The following PPFIA2 variants were observed in gnomAD, a reference collection of about 807,000 sequenced individuals.
The protein encoded by PPFIA2 is liprin-alpha-2.
A neutral mutation model predicts 175.5 loss-of-function variants in PPFIA2; 46 were observed. That is an observed-to-expected ratio of 0.26 (90% CI 0.21 to 0.34). PPFIA2 has a LOEUF of 0.34. Among genes scored for constraint, PPFIA2 ranks in the 10% least tolerant of loss-of-function variants. PPFIA2 has a pLI of 1.00. For missense variants in PPFIA2, 1,179 were observed against 1,506.1 expected, an observed-to-expected ratio of 0.78 and a Z score of 3.60; for synonymous variants, 568 against 511.4, an observed-to-expected ratio of 1.11 and a Z score of -1.49.
intron 4 of PPFIA2, among the ~76,000 whole-genome samples, chr12:81,548,766 T>C (rs1016587204): frequency 2.6e-5 from 4 of 152,146 alleles, no homozygotes; most frequent in African/African-American, 9.6e-5. Context: ...CCAAATTCAA[T>C]GTAGTGCCAG....
chr12:81,675,082 T>A (rs913461224), intron 4 of PPFIA2, among the ~76,000 whole-genome samples: 2 of 151,898 alleles, frequency 1.3e-5, no homozygotes, highest in Non-Finnish European at 2.9e-5. Context: ...AAAATAACCA[T>A]CATGGTATAG....
intron 4 of PPFIA2, among the ~76,000 whole-genome samples, chr12:81,607,620 T>C (rs1365673190): frequency 2.0e-5 from 3 of 152,130 alleles, no homozygotes; most frequent in Non-Finnish European, 4.4e-5. Flanking sequence ...TGTATAGAAT[T>C]GCTACTGATT....
intron 3 of PPFIA2, among the ~76,000 whole-genome samples, chr12:81,680,268 C>A (rs1437860346): frequency 1.3e-5 from 2 of 151,954 alleles, no homozygotes; most frequent in African/African-American, 4.8e-5. Context: ...ACTCAGTGAA[C>A]AGTTGCTATG....
At chr12:81,697,638 G>A (rs1442261604) in intron 3 of PPFIA2, among the ~76,000 whole-genome samples, 21 of 152,072 alleles carry the variant, frequency 1.4e-4, no homozygotes, top group Non-Finnish European at 7.4e-5. Flanking sequence ...GTTTTCCTTA[G>A]TAAACTGAAA....
At chr12:81,669,606 C>T (rs1056789679) in intron 4 of PPFIA2, among the ~76,000 whole-genome samples, 4 of 151,760 alleles carry the variant, frequency 2.6e-5, no homozygotes, top group Admixed American at 1.3e-4. Flanking sequence ...AAACAAAGAC[C>T]TAAAGAAAGT....
rs963924720 is a variant in PPFIA2 at position 81,755,422 on chromosome 12, A to G, written c.-2-1199T>C. On this transcript the variant is annotated intron_variant, in intron 2 of 32. Transcript: ENST00000549396. ...AAGGCAGGTTTGGCTGTTGATCCTG[A>G]AGCACTGTTTGGTTTTATAATGCAA... Among the ~76,000 whole-genome samples the G allele has an allele frequency of 7.9e-5, 12 of 152,280 alleles. No individual in the cohort carries two copies. The East Asian group carries it at 2.1e-3, about 27-fold the overall frequency.
At chr12:81,729,182 A>G (rs1010553840) in intron 3 of PPFIA2, among the ~76,000 whole-genome samples, 2 of 151,538 alleles carry the variant, frequency 1.3e-5, no homozygotes, top group African/African-American at 4.8e-5. Flanking sequence ...GGGTCCAAAT[A>G]GTGTTATATC....
chr12:81,659,945 A>C (rs1029825610), intron 4 of PPFIA2, among the ~76,000 whole-genome samples: 5 of 152,194 alleles, frequency 3.3e-5, no homozygotes, highest in Non-Finnish European at 5.9e-5. Flanking sequence ...ACAGGGTTGG[A>C]GGGAACTCTG....
intron 23 of PPFIA2, among the ~76,000 whole-genome samples, chr12:81,295,564 G>A (rs2046248569): frequency 1.3e-5 from 2 of 152,192 alleles, no homozygotes; most frequent in South Asian, 4.1e-4. Context: ...CCATGTGAAA[G>A]ATGTGTGAAC....
intron 4 of PPFIA2, among the ~76,000 whole-genome samples, chr12:81,639,724 T>C (rs755393549): frequency 5.3e-5 from 8 of 152,288 alleles, no homozygotes; most frequent in Non-Finnish European, 1.2e-4. Flanking sequence ...TAATATATGC[T>C]AAATCAATGT....
intron 4 of PPFIA2, among the ~76,000 whole-genome samples, chr12:81,554,404 C>A (rs980312092): frequency 6.6e-6 from 1 of 151,826 alleles, no homozygotes; most frequent in Non-Finnish European, 1.5e-5. Context: ...AACTGGGAAC[C>A]GAAATGTCAC....
At chr12:81,729,643 G>T (rs542266464) in intron 3 of PPFIA2, among the ~76,000 whole-genome samples, 2 of 151,426 alleles carry the variant, frequency 1.3e-5, no homozygotes, top group African/African-American at 4.8e-5. Flanking sequence ...TTAAGGTTAC[G>T]GAATTTAAAA....
intron 4 of PPFIA2, among the ~76,000 whole-genome samples, chr12:81,621,385 T>C (rs1055079957): frequency 6.6e-6 from 1 of 152,222 alleles, no homozygotes; most frequent in Non-Finnish European, 1.5e-5. Flanking sequence ...TGGCATTAAT[T>C]GGACATTGAT....
intron 28 of PPFIA2, among the ~76,000 whole-genome samples, chr12:81,274,076 A>G (rs2039886624): frequency 6.6e-6 from 1 of 152,122 alleles, no homozygotes; most frequent in Non-Finnish European, 1.5e-5. Flanking sequence ...GTTGGTTAGC[A>G]TCACATTTTG....
chr12:81,520,188 T>C (rs751184387), intron 4 of PPFIA2, among the ~76,000 whole-genome samples: 24 of 152,212 alleles, frequency 1.6e-4, no homozygotes, highest in Non-Finnish European at 3.1e-4. Context: ...TCTGGATCAC[T>C]GATCTATCAT....
chr12:81,284,957 CTAA>C (rs1338956131), intron 24 of PPFIA2, among the ~76,000 whole-genome samples: 1 of 152,238 alleles, frequency 6.6e-6, no homozygotes, highest in African/African-American at 2.4e-5. Context: ...TTTAGCCACA[CTAA>C]TAACTGTCAA....
chr12:81,646,296 C>T (rs1381454291), intron 4 of PPFIA2, among the ~76,000 whole-genome samples: 1 of 152,110 alleles, frequency 6.6e-6, no homozygotes, highest in African/African-American at 2.4e-5. Flanking sequence ...GGTCAGCTGT[C>T]TTGAAGGAGG....
chr12:81,630,418 G>A (rs1198971076), intron 4 of PPFIA2, among the ~76,000 whole-genome samples: 1 of 152,106 alleles, frequency 6.6e-6, no homozygotes, highest in Non-Finnish European at 1.5e-5. Context: ...GAAAAAGCCA[G>A]TATTTTTGTA....
At position 81,407,920 on chromosome 12, in the gene PPFIA2, C is replaced by A. The variant is rs554909326; in HGVS notation, c.646-2017G>T. On this transcript the variant is annotated intron_variant, in intron 7 of 32. Transcript: ENST00000549396. ...GCTTATTTATTTAGCTAGCACAAGT[C>A]CTAATAATATCTCCTGAGAAAATAA... 4.6e-5 allele frequency among the ~76,000 whole-genome samples: 7 copies of A among 152,236 alleles called. No individual in the cohort carries two copies. The East Asian group carries it at 1.4e-3, about 29-fold the overall frequency.
Sources: gnomAD v4.1 joint callset for allele counts (sites outside exome capture counted in the v4.1 genomes callset) on GRCh38, gnomAD v4.1.1 for gene constraint, MANE v1.5 for transcripts, NCBI Gene and HGNC (gene_info 2026-07-23, HGNC 2026-07-21) for gene names.